COLGALT2: variants seen among roughly 807,000 people sequenced by gnomAD.
COLGALT2 encodes collagen beta(1-O)galactosyltransferase 2, also known as procollagen galactosyltransferase 2.
A neutral mutation model predicts 73.4 loss-of-function variants in COLGALT2; 49 were observed. That is an observed-to-expected ratio of 0.67 (90% CI 0.53 to 0.85). COLGALT2 has a LOEUF of 0.85. Among genes scored for constraint, COLGALT2 ranks in the 40% least tolerant of loss-of-function variants. The pLI is 0.00. For missense variants in COLGALT2, 722 were observed against 790.2 expected (o/e 0.91, Z 1.03); for synonymous variants, 295 against 307.6 (o/e 0.96, Z 0.43).
chr1:183,976,730 T>C (rs1319687265), intron 2 of COLGALT2, among the ~76,000 whole-genome samples: 1 of 152,152 alleles, frequency 6.6e-6, no homozygotes, highest in African/African-American at 2.4e-5. Flanking sequence ...TTACAACTTA[T>C]TTAGAAAAAA....
chr1:183,970,290 A>G (rs10752926), intron 4 of COLGALT2, among the ~76,000 whole-genome samples: 108,594 of 152,116 alleles, frequency 0.71, 39,204 homozygotes, highest in East Asian at 0.85. Context: ...AAACATGCTT[A>G]CAAAACATAC....
intron 1 of COLGALT2, among the ~76,000 whole-genome samples, chr1:184,010,010 A>G (rs1016584969): frequency 6.6e-6 from 1 of 152,164 alleles, no homozygotes; most frequent in Non-Finnish European, 1.5e-5. Context: ...GGAGGTACCA[A>G]TGGAGTTGCC....
At chr1:183,983,612 T>C (rs530745588) in intron 1 of COLGALT2, among the ~76,000 whole-genome samples, 90 of 152,292 alleles carry the variant, frequency 5.9e-4, no homozygotes, top group Non-Finnish European at 1.0e-3. Context: ...AACAGCGCAG[T>C]GCTTGTCCTG....
At position 184,037,399 on chromosome 1, in the gene COLGALT2, C is replaced by T; in HGVS notation, c.-42G>A. ...GGCGGCGGGGAAGTCCTGGCGCGAG[C>T]GCCCGGCTGGGCTGCCTGAGGGCGG... On this transcript the variant is annotated 5_prime_UTR_variant, in exon 1 of 12. Coordinates refer to ENST00000361927, the MANE Select transcript of COLGALT2 (RefSeq NM_015101.4). 1 of 1,338,254 alleles carries T rather than the reference C, an allele frequency of 7.5e-7. No individual in the cohort carries two copies. The highest frequency in any genetic ancestry group is 1.9e-5 in the South Asian group (1 of 51,306). The allele number at this position is 1,338,254 out of a possible 1,614,324, so 82.9% of individuals were successfully genotyped here.
At chr1:183,956,327 C>G (rs1412649584) in intron 6 of COLGALT2, among the ~76,000 whole-genome samples, 1 of 152,206 alleles carries the variant, frequency 6.6e-6, no homozygotes. Context: ...GGTCTCATTA[C>G]TTCAAACTTG....
intron 6 of COLGALT2, among the ~76,000 whole-genome samples, chr1:183,959,883 C>G (rs1670650990): frequency 6.6e-6 from 1 of 152,146 alleles, no homozygotes; most frequent in African/African-American, 2.4e-5. Context: ...GGCCTTTTGT[C>G]CCTGGAACAC....
Position 183,951,104 on chromosome 1 carries a change from T to C in COLGALT2, c.1039A>G (p.Ile347Val). 2.5e-6 allele frequency: 4 copies of C among 1,612,098 alleles called. No individual in the cohort carries two copies. Among genetic ancestry groups the C allele is most frequent in the Non-Finnish European group, 3.4e-6 (4 of 1,178,238 alleles). The change falls in exon 8 of 12, where the codon ATA becomes GTA. Residue 347 changes from isoleucine (I) to valine (V), a missense_variant. By Grantham distance (29) the Ile-to-Val change is conservative (BLOSUM62 3). Transcript: ENST00000361927. The stretch of plus-strand genomic sequence containing the variant: ...CTGTCCTTTCTGCGTTTGAGGTTTA[T>C]CATGAAAATCTAATGCAAGAAGGAA... ...DKMGFDEIFM[I>V]NLKRRKDRRD... is the part of the protein sequence containing the mutation.
At chr1:183,963,418 T>C (rs1670772084) in intron 6 of COLGALT2, among the ~76,000 whole-genome samples, 1 of 152,226 alleles carries the variant, frequency 6.6e-6, no homozygotes, top group Non-Finnish European at 1.5e-5. Flanking sequence ...TTTTATGATG[T>C]AACAGTGATA....
chr1:184,021,919 A>T (rs1279047117), intron 1 of COLGALT2, among the ~76,000 whole-genome samples: 1 of 152,226 alleles, frequency 6.6e-6, no homozygotes, highest in Admixed American at 6.5e-5. Context: ...CTCTTTTGAG[A>T]CAATGACATA....
chr1:183,930,244 A>G (rs1257503852), exon 12 of COLGALT2: 1 of 456,182 alleles, frequency 2.2e-6, no homozygotes, highest in Non-Finnish European at 4.4e-6. Flanking sequence ...GTTGGCAGTC[A>G]TCAGAAAGTG....
rs777931151 is a variant in COLGALT2, at chr1:183,944,375, T to A, written c.1270-52A>T. 1.3e-5 allele frequency: 21 copies of A among 1,567,410 alleles called. 1 individual carries two copies. In the South Asian group the frequency reaches 2.4e-4, roughly 18 times the overall value. Reference sequence around the variant, plus strand: ...CCCTATGAAAAGTTTGAAACCCAATTTTTATTAGATAAATAAGTATTAAAA... The same window carrying A: ...CCCTATGAAAAGTTTGAAACCCAATATTTATTAGATAAATAAGTATTAAAA... On this transcript the variant is annotated intron_variant, in intron 9 of 11. Coordinates refer to ENST00000361927, the MANE Select transcript of COLGALT2 (RefSeq NM_015101.4).
Position 183,969,330 on chromosome 1 carries a change from G to A in COLGALT2, c.771C>T (p.His257=). The A allele has an allele frequency of 6.2e-7, 1 of 1,614,040 alleles. No homozygotes were observed. The highest frequency in any genetic ancestry group is 8.5e-7 in the Non-Finnish European group (1 of 1,179,926). ...ASDKLTFYPP[H]QDYTWTFDDI... is the part of the protein sequence containing the mutation. ...CATCAAAGGTCCAGGTGTAGTCCTG[G>A]TGTGGGGGGTAGAAAGTCAGCTTGT... The change falls in exon 5 of 12, where the codon CAC becomes CAT. Residue 257 remains histidine (H), a synonymous_variant. Coordinates refer to ENST00000361927, the MANE Select transcript of COLGALT2 (RefSeq NM_015101.4).
intron 1 of COLGALT2, among the ~76,000 whole-genome samples, chr1:183,992,048 G>A (rs1439025058): frequency 2.0e-5 from 3 of 152,128 alleles, no homozygotes; most frequent in African/African-American, 7.2e-5. Context: ...AGAGAGGGGA[G>A]CAGTGAGAGC....
At chr1:184,011,780 A>G (rs1047406099) in intron 1 of COLGALT2, among the ~76,000 whole-genome samples, 31 of 152,234 alleles carry the variant, frequency 2.0e-4, no homozygotes, top group African/African-American at 6.5e-4. Flanking sequence ...TGTGAGGTGT[A>G]AGTGGGTGTC....
At position 183,969,295 on chromosome 1, in the gene COLGALT2, A is replaced by G; in HGVS notation, c.806T>C (p.Val269Ala). 6.2e-7 allele frequency: 1 copy of G among 1,613,296 alleles called. No homozygotes were observed. Among genetic ancestry groups the G allele is most frequent in the Non-Finnish European group, 8.5e-7 (1 of 1,179,602 alleles). ...DYTWTFDDII[V>A]FAFSSRQAGI... ...TGCTTGCCTGCTGGAGAAGGCAAAG[A>G]CAATGATGTCATCAAAGGTCCAGGT... The change falls in exon 5 of 12, where the codon GTC becomes GCC. Residue 269 changes from valine (V) to alanine (A), a missense_variant. By Grantham distance (64) the Val-to-Ala change is moderately conservative. Transcript: ENST00000361927.
At chr1:183,947,106 T>C (rs1034057085) in intron 8 of COLGALT2, among the ~76,000 whole-genome samples, 6 of 151,134 alleles carry the variant, frequency 4.0e-5, no homozygotes, top group Non-Finnish European at 7.4e-5. Context: ...CTCAGAACCA[T>C]GAAACTGGAA....
chr1:184,022,447 T>C (rs1649206389), intron 1 of COLGALT2, among the ~76,000 whole-genome samples: 2 of 152,070 alleles, frequency 1.3e-5, no homozygotes, highest in African/African-American at 4.8e-5. Flanking sequence ...AGGGAGAAAA[T>C]GGAGCCAAAC....
intron 9 of COLGALT2, 80 bp downstream of exon 9, chr1:183,945,352 T>C: frequency 6.6e-7 from 1 of 1,507,158 alleles, no homozygotes; most frequent in East Asian, 2.3e-5. Flanking sequence ...TCACTTTACA[T>C]CTGGCCCTAA....
rs1430867877 is a variant in COLGALT2 at position 183,940,860 on chromosome 1, G to C, written c.1398-73C>G. ...CATGATAAGGATGAAGCACAGCTTT[G>C]GTTTACATAGATACCTCTGAAATCC... On this transcript the variant is annotated intron_variant, in intron 10 of 11. Coordinates refer to ENST00000361927, the MANE Select transcript of COLGALT2 (RefSeq NM_015101.4). 1.3e-5 allele frequency: 16 copies of C among 1,258,558 alleles called. No individual in the cohort carries two copies. The Admixed American group carries it at 2.4e-4, about 19-fold the overall frequency. 78.0% of individuals were successfully genotyped at this position (1,258,558 alleles called of 1,614,324 possible). A position where few individuals can be genotyped will look rare whatever the true frequency, so the allele number is the denominator to read the frequency against.
Sources: allele counts gnomAD v4.1 joint callset (sites outside exome capture counted in the v4.1 genomes callset), GRCh38; gene constraint gnomAD v4.1.1; transcripts MANE v1.5; gene names NCBI Gene and HGNC (gene_info 2026-07-23, HGNC 2026-07-21).